SBF2: variants seen among roughly 807,000 people sequenced by gnomAD.
The protein encoded by SBF2 is SET binding factor 2.
In SBF2, 112 loss-of-function variants were observed where a neutral mutation model predicts 225.2. That is an observed-to-expected ratio of 0.50 (90% CI 0.43 to 0.58). SBF2 has a LOEUF of 0.58. Among genes scored for constraint, SBF2 ranks in the 20% least tolerant of loss-of-function variants. The pLI is 0.00. For missense variants in SBF2, 1,996 were observed against 2,206.2 expected (o/e 0.90, Z 1.91); for synonymous variants, 763 against 773.3 (o/e 0.99, Z 0.22).
intron 2 of SBF2, among the ~76,000 whole-genome samples, chr11:10,106,151 C>A (rs1952542050): frequency 6.6e-6 from 1 of 152,042 alleles, no homozygotes; most frequent in South Asian, 2.1e-4. Context: ...AACATAGTAC[C>A]CAATAGGTAG....
At chr11:9,878,595 T>C (rs1859485666) in intron 17 of SBF2, among the ~76,000 whole-genome samples, 1 of 152,204 alleles carries the variant, frequency 6.6e-6, no homozygotes, top group African/African-American at 2.4e-5. Flanking sequence ...GCAGAGACCA[T>C]GTCTTGCACA....
chr11:9,950,148 TA>T (rs35383310), intron 16 of SBF2, among the ~76,000 whole-genome samples: 16,884 of 145,748 alleles, frequency 0.12, 1,060 homozygotes, highest in East Asian at 0.31. Flanking sequence ...AAGCAGGGAT[TA>T]AAAAAAAAAA....
chr11:10,284,123 A>G (rs947831609), intron 1 of SBF2, among the ~76,000 whole-genome samples: 3 of 152,160 alleles, frequency 2.0e-5, no homozygotes, highest in Non-Finnish European at 2.9e-5. Flanking sequence ...TTTACACACA[A>G]TTGTAAGAAT....
intron 2 of SBF2, among the ~76,000 whole-genome samples, chr11:10,126,633 T>A (rs892593903): frequency 6.6e-6 from 1 of 152,078 alleles, no homozygotes; most frequent in African/African-American, 2.4e-5. Context: ...AAATAAATAC[T>A]GAAAAATTAA....
At chr11:9,878,353 C>T (rs1859461341) in intron 17 of SBF2, among the ~76,000 whole-genome samples, 1 of 152,160 alleles carries the variant, frequency 6.6e-6, no homozygotes, top group South Asian at 2.1e-4. Flanking sequence ...TGCCTGTTCA[C>T]TCTGATGGTA....
chr11:9,785,559 A>C (rs1852317037), intron 36 of SBF2, among the ~76,000 whole-genome samples: 1 of 152,220 alleles, frequency 6.6e-6, no homozygotes. Context: ...CTAGACAGCC[A>C]TTAAAAAATG....
intron 17 of SBF2, among the ~76,000 whole-genome samples, chr11:9,858,815 G>A (rs527240505): frequency 5.2e-4 from 79 of 152,246 alleles, no homozygotes; most frequent in African/African-American, 1.8e-3. Flanking sequence ...GACAGCAACT[G>A]AAATATGAGT....
At chr11:10,153,835 T>C (rs914958287) in intron 2 of SBF2, among the ~76,000 whole-genome samples, 2 of 152,148 alleles carry the variant, frequency 1.3e-5, no homozygotes, top group African/African-American at 4.8e-5. Flanking sequence ...TTTATTTGGA[T>C]CATTTTTAAT....
At chr11:9,981,959 C>T (rs1946976878) in intron 13 of SBF2, among the ~76,000 whole-genome samples, 1 of 152,196 alleles carries the variant, frequency 6.6e-6, no homozygotes, top group Admixed American at 6.5e-5. Flanking sequence ...CAAAACTTCA[C>T]AGCAGAAGAA....
chr11:10,187,164 C>A (rs924460300), intron 2 of SBF2, among the ~76,000 whole-genome samples: 5 of 152,172 alleles, frequency 3.3e-5, no homozygotes, highest in Admixed American at 3.3e-4. Context: ...ATCCTCCATG[C>A]TTTCTCTTAC....
chr11:10,095,658 T>A (rs900412301), intron 2 of SBF2, among the ~76,000 whole-genome samples: 24 of 152,196 alleles, frequency 1.6e-4, no homozygotes, highest in Admixed American at 3.3e-4. Flanking sequence ...GTCCATTTTT[T>A]AAAAAGGTTT....
intron 1 of SBF2, among the ~76,000 whole-genome samples, chr11:10,243,222 C>G (rs1387412539): frequency 4.6e-5 from 7 of 151,586 alleles, no homozygotes; most frequent in Admixed American, 4.6e-4. Context: ...TATTCTGGAA[C>G]AACTAATGGG....
intron 2 of SBF2, among the ~76,000 whole-genome samples, chr11:10,079,395 T>C (rs1951267564): frequency 6.6e-6 from 1 of 152,204 alleles, no homozygotes; most frequent in African/African-American, 2.4e-5. Flanking sequence ...CCTATTTATC[T>C]ATAAAGCCAA....
intron 2 of SBF2, among the ~76,000 whole-genome samples, chr11:10,066,346 A>C (rs374019157): frequency 2.0e-5 from 3 of 150,590 alleles, no homozygotes; most frequent in East Asian, 1.9e-4. Flanking sequence ...ATCTATATCT[A>C]TATATATATA....
chr11:9,819,604 CTTTTGAAGA>C (rs2133916192), intron 28 of SBF2: 1 of 152,248 alleles, frequency 6.6e-6, no homozygotes, highest in South Asian at 2.1e-4. Context: ...ATGGAAGAAG[CTTTTGAAGA>C]TTGTCATTCA....
intron 17 of SBF2, among the ~76,000 whole-genome samples, chr11:9,882,807 AAAAAAAAAAAAAACCACC>A (rs1180218753): frequency 3.8e-4 from 32 of 83,678 alleles, no homozygotes; most frequent in African/African-American, 2.6e-3. Context: ...AAAAAAAAAA[AAAAAAAAAAAAAACCACC>A]AAAAAAAACC....
At chr11:10,025,998 G>A (rs1034812043) in intron 6 of SBF2, among the ~76,000 whole-genome samples, 7 of 151,626 alleles carry the variant, frequency 4.6e-5, no homozygotes, top group Admixed American at 4.6e-4. Context: ...AGAGAGCTTT[G>A]GGTTTTAGAA....
At chr11:10,178,316 T>A (rs1053288816) in intron 2 of SBF2, among the ~76,000 whole-genome samples, 12 of 150,168 alleles carry the variant, frequency 8.0e-5, no homozygotes, top group Non-Finnish European at 1.8e-4. Flanking sequence ...CCAAAAGCAA[T>A]GGCAACAAAA....
intron 2 of SBF2, among the ~76,000 whole-genome samples, chr11:10,182,112 G>A (rs1302379088): frequency 6.6e-6 from 1 of 152,036 alleles, no homozygotes; most frequent in Admixed American, 6.6e-5. Context: ...ATCCGTAACT[G>A]GAAACTCTCA....
Sources: allele counts gnomAD v4.1 joint callset (sites outside exome capture counted in the v4.1 genomes callset), GRCh38; gene constraint gnomAD v4.1.1; transcripts MANE v1.5; gene names NCBI Gene and HGNC (gene_info 2026-07-23, HGNC 2026-07-21).